CFAP418: variants seen among roughly 807,000 people sequenced by gnomAD.
The protein encoded by CFAP418 is cilia and flagella associated protein 418.
A neutral mutation model predicts 24.7 loss-of-function variants in CFAP418; 27 were observed. That is an observed-to-expected ratio of 1.09 (90% CI 0.81 to 1.51). CFAP418 has a LOEUF of 1.51. Among genes scored for constraint, CFAP418 ranks in the 40% most tolerant of loss-of-function variants. The pLI is 0.00. For missense variants in CFAP418, 257 were observed against 255.2 expected, an observed-to-expected ratio of 1.01 and a Z score of -0.05; for synonymous variants, 74 against 87.3, an observed-to-expected ratio of 0.85 and a Z score of 0.85.
Position 95,247,686 on chromosome 8 carries a change from C to G in CFAP418, c.555G>C (p.Trp185Cys). Reference sequence around the variant, plus strand: ...GGTCAGTCACTTCTTCAATAGTTCTCCAGCTACACTGGCAGGCATATGCCC... The same window carrying G: ...GGTCAGTCACTTCTTCAATAGTTCTGCAGCTACACTGGCAGGCATATGCCC... ...GTRAYACQCS[W>C]RTIEEVTDLQ... Residue 185 changes from tryptophan to cysteine, a missense_variant, in exon 6 of 6, where the codon TGG (tryptophan) becomes TGC (cysteine). Physicochemically the swap from Trp to Cys is radical, Grantham distance 215. Coordinates refer to ENST00000286688, the MANE Select transcript of CFAP418 (RefSeq NM_177965.4). 6.2e-7 allele frequency: 1 copy of G among 1,614,208 alleles called. No individual in the cohort carries two copies. The highest frequency in any genetic ancestry group is 1.1e-5 in the South Asian group (1 of 91,082).
intron 2 of CFAP418, 47 bp from the exon 3 acceptor site, chr8:95,260,579 C>A: frequency 8.6e-7 from 1 of 1,159,674 alleles, no homozygotes; most frequent in Non-Finnish European, 1.2e-6. Flanking sequence ...ACTTAGAAAA[C>A]TGTAACATGA....
At chr8:95,254,439 T>C (rs1811755695) in intron 4 of CFAP418, among the ~76,000 whole-genome samples, 1 of 152,234 alleles carries the variant, frequency 6.6e-6, no homozygotes, top group African/African-American at 2.4e-5. Context: ...GGCTGAAATA[T>C]ATTTCTCTTT....
intron 1 of CFAP418, among the ~76,000 whole-genome samples, chr8:95,267,025 A>G (rs1041787105): frequency 1.3e-5 from 2 of 152,214 alleles, no homozygotes; most frequent in African/African-American, 4.8e-5. Context: ...GGACAAACGA[A>G]AAGTACTAAA....
intron 4 of CFAP418, 67 bp from the exon 5 acceptor site, chr8:95,252,350 T>C: frequency 1.9e-6 from 2 of 1,029,996 alleles, no homozygotes; most frequent in Middle Eastern, 2.1e-4. Flanking sequence ...GAAAACATGG[T>C]GATTTATTTA....
At chr8:95,261,529 A>G (rs1398030987) in intron 2 of CFAP418, among the ~76,000 whole-genome samples, 1 of 152,076 alleles carries the variant, frequency 6.6e-6, no homozygotes. Context: ...GCGGTAAGGG[A>G]GTAGTATTGT....
chr8:95,268,621 CG>C (rs1391292268), intron 1 of CFAP418, among the ~76,000 whole-genome samples: 4 of 151,960 alleles, frequency 2.6e-5, no homozygotes, highest in African/African-American at 9.7e-5. Context: ...AAAATGCGGC[CG>C]AGGTCAGCAC....
intron 1 of CFAP418, among the ~76,000 whole-genome samples, chr8:95,264,470 CCA>C (rs1401782732): frequency 1.3e-5 from 2 of 152,024 alleles, no homozygotes; most frequent in African/African-American, 4.8e-5. Context: ...TTATTTAACC[CCA>C]GTTTTATAGA....
chr8:95,256,849 A>G (rs565107650), intron 4 of CFAP418, among the ~76,000 whole-genome samples: 3 of 152,244 alleles, frequency 2.0e-5, no homozygotes, highest in Non-Finnish European at 2.9e-5. Context: ...ACAGAAAAAC[A>G]TAAGTGGAAA....
At chr8:95,257,809 A>G (rs1472576717) in intron 4 of CFAP418, among the ~76,000 whole-genome samples, 1 of 152,186 alleles carries the variant, frequency 6.6e-6, no homozygotes, top group Non-Finnish European at 1.5e-5. Context: ...TACTTTTACT[A>G]TGCTATACTT....
Position 95,247,723 on chromosome 8 carries a change from T to C in CFAP418, c.518A>G (p.Lys173Arg). Residue 173 changes from lysine to arginine, a missense_variant, in exon 6 of 6, where the codon AAG becomes AGG. Transcript: ENST00000286688. Reference sequence around the variant, plus strand: ...GCAGGCATATGCCCGTGTTCCTTTCTTCTTTATCAACTTTGCTTTTAATTT... The same window carrying C: ...GCAGGCATATGCCCGTGTTCCTTTCCTCTTTATCAACTTTGCTTTTAATTT... Reference protein sequence around the residue: ...FHKLKAKLIKKKGTRAYACQC... With the variant: ...FHKLKAKLIKRKGTRAYACQC... 1 of 1,613,338 alleles carries C rather than the reference T, an allele frequency of 6.2e-7. No individual in the cohort carries two copies.
chr8:95,247,569 G>T lies in CFAP418; in HGVS notation c.*48C>A, dbSNP rs758339914. ...TTGTCTAAACATGATGATGATTCAT[G>T]GAGACCACTCTCATGGATGCATCTG... On this transcript the variant is annotated 3_prime_UTR_variant, in exon 6 of 6. Transcript: ENST00000286688. 8.1e-6 allele frequency: 13 copies of T among 1,607,494 alleles called. No individual in the cohort carries two copies. In the South Asian group the frequency reaches 1.3e-4, roughly 16 times the overall value.
intron 2 of CFAP418, among the ~76,000 whole-genome samples, chr8:95,262,048 A>G (rs1329965885): frequency 1.3e-5 from 2 of 152,240 alleles, no homozygotes; most frequent in African/African-American, 4.8e-5. Context: ...TCAACTGCAC[A>G]AGTCCACTTA....
intron 4 of CFAP418, among the ~76,000 whole-genome samples, chr8:95,258,251 G>A (rs1296355420): frequency 4.6e-5 from 7 of 151,404 alleles, no homozygotes; most frequent in Admixed American, 2.0e-4. Context: ...GCGTGGTGGC[G>A]GGCACCTGTA....
intron 4 of CFAP418, among the ~76,000 whole-genome samples, chr8:95,253,325 T>C (rs1356434639): frequency 2.0e-5 from 3 of 151,790 alleles, no homozygotes; most frequent in South Asian, 4.2e-4. Flanking sequence ...AAAAAGAACA[T>C]GGAGCAAAAT....
rs567450865 is a variant in CFAP418, at chr8:95,256,155, G to A, written c.374+3685C>T. On this transcript the variant is annotated intron_variant, in intron 4 of 5. Coordinates refer to ENST00000286688, the MANE Select transcript of CFAP418 (RefSeq NM_177965.4). ...CTGTGCTACAACTAAATCAAAGTAC[G>A]TACAAAATATTTCATACATAAGAAA... 2.0e-4 allele frequency among the ~76,000 whole-genome samples: 30 copies of A among 152,168 alleles called. 1 individual carries two copies. Among genetic ancestry groups the A allele is most frequent in the South Asian group, 1.0e-3 (5 of 4,828 alleles).
intron 4 of CFAP418, among the ~76,000 whole-genome samples, chr8:95,254,310 C>CTT (rs1336818406): frequency 3.3e-5 from 5 of 152,208 alleles, no homozygotes; most frequent in Non-Finnish European, 7.3e-5. Context: ...TTTCTAAAAT[C>CTT]TAAAGTCATT....
chr8:95,246,692 A>C lies in CFAP418; in HGVS notation c.*925T>G, dbSNP rs1238973444. 1.3e-5 allele frequency: 2 copies of C among 152,172 alleles called. No homozygotes were observed. Among genetic ancestry groups the C allele is most frequent in the Non-Finnish European group, 2.9e-5 (2 of 68,022 alleles). The allele number at this position is 152,172 out of a possible 1,614,324, so 9.4% of individuals were successfully genotyped here. On this transcript the variant is annotated 3_prime_UTR_variant, in exon 6 of 6. Transcript: ENST00000286688. ...TCTCAGTGATGTCAGGAAGGAGCCC[A>C]ACAGGTTACCTGTTGGTTCAGTTAT...
At chr8:95,253,336 GTAGAAAGTTATATA>G (rs1171289653) in intron 4 of CFAP418, among the ~76,000 whole-genome samples, 1 of 152,080 alleles carries the variant, frequency 6.6e-6, no homozygotes, top group Non-Finnish European at 1.5e-5. Flanking sequence ...GGAGCAAAAT[GTAGAAAGTTATATA>G]CTACACAGTA....
chr8:95,262,609 A>G (rs1275540436), intron 2 of CFAP418, among the ~76,000 whole-genome samples: 2 of 152,224 alleles, frequency 1.3e-5, no homozygotes, highest in African/African-American at 4.8e-5. Flanking sequence ...ATTAAAATAC[A>G]TAAATTCTCA....
Sources: gnomAD v4.1 joint callset for allele counts (sites outside exome capture counted in the v4.1 genomes callset) on GRCh38, gnomAD v4.1.1 for gene constraint, MANE v1.5 for transcripts, NCBI Gene and HGNC (gene_info 2026-07-23, HGNC 2026-07-21) for gene names.